Variants in CADM2 observed in about 807,000 individuals in gnomAD.
The protein encoded by CADM2 is cell adhesion molecule 2.
CADM2 carries 12 observed loss-of-function variants against 49.8 expected under a neutral mutation model. That is an observed-to-expected ratio of 0.24 (90% CI 0.15 to 0.39). CADM2 has a LOEUF of 0.39. Ranked by LOEUF, CADM2 falls within the 10% of genes least tolerant of loss-of-function variation. The pLI is 1.00. For synonymous variants in CADM2, 214 were observed against 175.4 expected (o/e 1.22, Z -1.74); for missense variants, 378 against 492.3 (o/e 0.77, Z 2.20).
At chr3:85,456,351 A>G (rs1482888537) in intron 1 of CADM2, among the ~76,000 whole-genome samples, 1 of 152,112 alleles carries the variant, frequency 6.6e-6, no homozygotes, top group Non-Finnish European at 1.5e-5. Context: ...AGATTTCCAG[A>G]CCACACAATA....
At chr3:85,055,350 T>C (rs1401904230) in intron 1 of CADM2, among the ~76,000 whole-genome samples, 1 of 151,982 alleles carries the variant, frequency 6.6e-6, no homozygotes, top group Non-Finnish European at 1.5e-5. Flanking sequence ...GTGGAAACTT[T>C]CTTTTCCAAG....
At position 85,675,088 on chromosome 3, in the gene CADM2, A is replaced by C. The variant is rs867050059; in HGVS notation, c.62-51434A>C. Among the ~76,000 whole-genome samples, 4 of 152,092 alleles carry C rather than the reference A, an allele frequency of 2.6e-5. No homozygotes were observed. The South Asian group carries it at 8.3e-4, about 31-fold the overall frequency. The stretch of plus-strand genomic sequence containing the variant: ...GCTAACATTTGACTTATGCTCATTG[A>C]TTTACTTCAGTCTTAACTCCAGCTA... On this transcript the variant is annotated intron_variant, in intron 1 of 9. Coordinates refer to ENST00000383699, the MANE Select transcript of CADM2 (RefSeq NM_001167675.2).
At chr3:85,369,765 C>T (rs2033064335) in intron 1 of CADM2, among the ~76,000 whole-genome samples, 1 of 152,010 alleles carries the variant, frequency 6.6e-6, no homozygotes, top group Non-Finnish European at 1.5e-5. Context: ...TAGAAAAGTG[C>T]CTAGATAATC....
chr3:85,101,301 C>G (rs1027591057), intron 1 of CADM2, among the ~76,000 whole-genome samples: 4 of 152,038 alleles, frequency 2.6e-5, no homozygotes, highest in African/African-American at 9.7e-5. Flanking sequence ...TAGTTAAATA[C>G]TATCTTATGC....
chr3:85,702,074 G>T (rs1577118825), intron 1 of CADM2, among the ~76,000 whole-genome samples: 4 of 152,070 alleles, frequency 2.6e-5, no homozygotes, highest in African/African-American at 9.7e-5. Flanking sequence ...ACTGATGATG[G>T]GAAAGTGTAA....
chr3:85,311,047 G>A (rs1024933282), intron 1 of CADM2, among the ~76,000 whole-genome samples: 2 of 152,006 alleles, frequency 1.3e-5, no homozygotes, highest in Admixed American at 6.6e-5. Flanking sequence ...CAGCAGGCAG[G>A]AACATCCAAA....
intron 1 of CADM2, among the ~76,000 whole-genome samples, chr3:85,051,217 C>A (rs2035870004): frequency 6.6e-6 from 1 of 152,104 alleles, no homozygotes; most frequent in South Asian, 2.1e-4. Context: ...AAAATTAAGT[C>A]CTACCTCATA....
intron 1 of CADM2, among the ~76,000 whole-genome samples, chr3:85,634,823 A>G (rs1021081871): frequency 3.9e-5 from 6 of 152,130 alleles, no homozygotes; most frequent in Non-Finnish European, 5.9e-5. Context: ...CAGAAACTAC[A>G]TAGCAAACTT....
chr3:85,887,987 G>A (rs374589532), intron 5 of CADM2, among the ~76,000 whole-genome samples: 4 of 152,226 alleles, frequency 2.6e-5, no homozygotes, highest in Middle Eastern at 3.4e-3. Flanking sequence ...ACTCTTACAC[G>A]TCACATATTT....
At chr3:85,143,858 A>C (rs1406620825) in intron 1 of CADM2, among the ~76,000 whole-genome samples, 1 of 152,106 alleles carries the variant, frequency 6.6e-6, no homozygotes, top group South Asian at 2.1e-4. Context: ...CCATGGCTCA[A>C]GTTTTCCAGA....
intron 1 of CADM2, among the ~76,000 whole-genome samples, chr3:85,598,513 A>G (rs1259554957): frequency 6.6e-6 from 1 of 151,936 alleles, no homozygotes; most frequent in Non-Finnish European, 1.5e-5. Flanking sequence ...CTACGTATGG[A>G]GGAAGATTTC....
intron 1 of CADM2, among the ~76,000 whole-genome samples, chr3:85,372,058 C>G (rs1478489262): frequency 6.6e-6 from 1 of 151,862 alleles, no homozygotes; most frequent in Non-Finnish European, 1.5e-5. Context: ...CCTAGATAAT[C>G]TGCTGACTTT....
intron 1 of CADM2, among the ~76,000 whole-genome samples, chr3:85,556,903 G>A (rs73843652): frequency 0.011 from 1,706 of 152,174 alleles, 35 homozygotes; most frequent in African/African-American, 0.039. Context: ...TTAGTGCAAT[G>A]AAATAAGGTT....
At chr3:86,012,670 T>C (rs551459692) in intron 8 of CADM2, 1 of 1,363,684 alleles carries the variant, frequency 7.3e-7, no homozygotes, top group South Asian at 1.2e-5. Flanking sequence ...GGGTGGAGAA[T>C]TGTAGGAGAG....
At chr3:86,037,109 T>C (rs867073462) in intron 8 of CADM2, among the ~76,000 whole-genome samples, 90 of 152,190 alleles carry the variant, frequency 5.9e-4, no homozygotes, top group African/African-American at 2.2e-3. Context: ...TGATTTTAAG[T>C]TGAGTATACA....
chr3:86,005,158 C>T (rs1347446763), intron 8 of CADM2, among the ~76,000 whole-genome samples: 1 of 152,156 alleles, frequency 6.6e-6, no homozygotes, highest in African/African-American at 2.4e-5. Flanking sequence ...TGTGGCTCTG[C>T]TTTTAATACA....
At chr3:85,222,763 T>C (rs2079881011) in intron 1 of CADM2, among the ~76,000 whole-genome samples, 1 of 152,180 alleles carries the variant, frequency 6.6e-6, no homozygotes, top group Non-Finnish European at 1.5e-5. Flanking sequence ...TATATAATGC[T>C]AGCATTTACT....
rs536899739 is a variant in CADM2, at chr3:86,014,559, A to G, written c.971-51046A>G. 1,395 of 1,593,196 alleles carry G rather than the reference A, an allele frequency of 8.8e-4. 16 individuals carry two copies. Among genetic ancestry groups the G allele is most frequent in the Admixed American group, 2.5e-4 (15 of 59,642 alleles). ...TCAGCTAGCCTCTGAGAGTTACTATAAAGAAACACTAAGTGTCCCAACAGT... is the reference window on the plus strand; with the variant it reads ...TCAGCTAGCCTCTGAGAGTTACTATGAAGAAACACTAAGTGTCCCAACAGT... On this transcript the variant is annotated intron_variant, in intron 8 of 9. Transcript: ENST00000383699.
chr3:85,745,435 G>C (rs2068577443), intron 2 of CADM2, among the ~76,000 whole-genome samples: 1 of 151,982 alleles, frequency 6.6e-6, no homozygotes, highest in Admixed American at 6.5e-5. Context: ...GTTGGGGGTA[G>C]ACTTTGATTC....
Sources: allele counts gnomAD v4.1 joint callset (sites outside exome capture counted in the v4.1 genomes callset), GRCh38; gene constraint gnomAD v4.1.1; transcripts MANE v1.5; gene names NCBI Gene and HGNC (gene_info 2026-07-23, HGNC 2026-07-21).